The following NELL1 variants were observed in gnomAD, a reference collection of about 807,000 sequenced individuals.
NELL1 encodes the protein protein kinase C-binding protein NELL1.
Under a neutral mutation model 107.4 loss-of-function variants are expected in NELL1, and 76 were observed. The ratio of observed to expected loss-of-function variants is 0.71; its 90% CI spans 0.59 to 0.86. The LOEUF is 0.86. Among genes scored for constraint, NELL1 ranks in the 40% least tolerant of loss-of-function variants. The pLI, the probability that NELL1 is intolerant of heterozygous loss-of-function variation, is 0.00. For missense variants in NELL1, 1,024 were observed against 1,005.5 expected (o/e 1.02, Z -0.25); for synonymous variants, 353 against 341.2 (o/e 1.03, Z -0.38).
chr11:20,837,302 T>G (rs1172801803), intron 3 of NELL1, among the ~76,000 whole-genome samples: 1 of 152,154 alleles, frequency 6.6e-6, no homozygotes, highest in Non-Finnish European at 1.5e-5. Context: ...ATTATCTATG[T>G]GATAACAGAT....
intron 2 of NELL1, among the ~76,000 whole-genome samples, chr11:20,733,065 G>T (rs1459842057): frequency 6.6e-6 from 1 of 152,170 alleles, no homozygotes; most frequent in Non-Finnish European, 1.5e-5. Flanking sequence ...AATAGGGATA[G>T]TTGGACCTAA....
At chr11:21,436,998 T>C (rs1853139681) in intron 15 of NELL1, among the ~76,000 whole-genome samples, 1 of 152,222 alleles carries the variant, frequency 6.6e-6, no homozygotes, top group South Asian at 2.1e-4. Flanking sequence ...TTTAAATTTT[T>C]TAAAAATTTT....
chr11:21,033,044 C>T (rs1243591844), intron 12 of NELL1, among the ~76,000 whole-genome samples: 1 of 152,048 alleles, frequency 6.6e-6, no homozygotes, highest in East Asian at 1.9e-4. Context: ...CAGGCATAAT[C>T]CCATGGTCTT....
chr11:21,284,239 G>T (rs2133951171), intron 14 of NELL1: 1 of 456,794 alleles, frequency 2.2e-6, no homozygotes, highest in East Asian at 6.9e-5. Flanking sequence ...TAAAAAATTT[G>T]CCAAACGTGG....
chr11:21,128,647 T>G (rs1315636413), intron 13 of NELL1, among the ~76,000 whole-genome samples: 1 of 152,118 alleles, frequency 6.6e-6, no homozygotes, highest in Admixed American at 6.5e-5. Flanking sequence ...AATGCGGCAT[T>G]GATTAGAAGA....
At chr11:21,329,096 G>T (rs1850213547) in intron 14 of NELL1, among the ~76,000 whole-genome samples, 1 of 152,060 alleles carries the variant, frequency 6.6e-6, no homozygotes. Context: ...CTTGAGATTT[G>T]GGAGGGTCCA....
At chr11:21,338,597 A>T (rs1850489821) in intron 14 of NELL1, among the ~76,000 whole-genome samples, 1 of 152,156 alleles carries the variant, frequency 6.6e-6, no homozygotes, top group Admixed American at 6.5e-5. Flanking sequence ...CCCCAGACTT[A>T]TAGGAACAGA....
chr11:20,681,498 G>T (rs1200509131), intron 2 of NELL1, among the ~76,000 whole-genome samples: 2 of 151,920 alleles, frequency 1.3e-5, no homozygotes, highest in Non-Finnish European at 2.9e-5. Flanking sequence ...TTAACTCCCT[G>T]TTGAAGGCAA....
At chr11:21,015,506 T>A (rs1288523375) in intron 12 of NELL1, among the ~76,000 whole-genome samples, 2 of 152,138 alleles carry the variant, frequency 1.3e-5, no homozygotes, top group East Asian at 3.9e-4. Flanking sequence ...AACTTCTTTC[T>A]TCTTTTCACA....
chr11:21,038,295 T>C (rs1033234843), intron 12 of NELL1, among the ~76,000 whole-genome samples: 1 of 152,208 alleles, frequency 6.6e-6, no homozygotes, highest in Non-Finnish European at 1.5e-5. Context: ...ATAAATGCTT[T>C]TGTTGTTTTA....
At chr11:21,481,084 C>A (rs777834558) in intron 15 of NELL1, among the ~76,000 whole-genome samples, 4 of 152,086 alleles carry the variant, frequency 2.6e-5, no homozygotes, top group Admixed American at 2.6e-4. Flanking sequence ...AATGACAGGA[C>A]ATGTGAAAGT....
At chr11:21,334,433 C>T (rs1850340406) in intron 14 of NELL1, among the ~76,000 whole-genome samples, 1 of 151,912 alleles carries the variant, frequency 6.6e-6, no homozygotes, top group Non-Finnish European at 1.5e-5. Flanking sequence ...CCACAGGCTA[C>T]AGTTTGTCTG....
chr11:21,109,346 G>T (rs541251860), intron 12 of NELL1, among the ~76,000 whole-genome samples: 2 of 152,112 alleles, frequency 1.3e-5, no homozygotes, highest in South Asian at 4.1e-4. Flanking sequence ...AAAATAGTTC[G>T]TCCTTCCAGT....
chr11:21,034,388 C>G (rs1853036184), intron 12 of NELL1, among the ~76,000 whole-genome samples: 2 of 152,218 alleles, frequency 1.3e-5, no homozygotes, highest in Admixed American at 6.5e-5. Context: ...AGGACCTGAA[C>G]TGAGCACTGG....
chr11:21,094,726 G>A (rs913420508), intron 12 of NELL1, among the ~76,000 whole-genome samples: 4 of 152,240 alleles, frequency 2.6e-5, no homozygotes, highest in South Asian at 2.1e-4. Context: ...TTCTTTCATC[G>A]GTGGCTGAAG....
At chr11:21,229,546 G>A (rs1857988804) in intron 14 of NELL1, 92 bp downstream of exon 14, 1 of 1,540,940 alleles carries the variant, frequency 6.5e-7, no homozygotes, top group Admixed American at 1.8e-5. Flanking sequence ...AACTCTTGGT[G>A]GAACACAGCC....
rs74569316 is a variant in NELL1 at position 21,022,447 on chromosome 11, A to G, written c.1300+61887A>G. Among the ~76,000 whole-genome samples the G allele has an allele frequency of 6.8e-3, 1,032 of 152,256 alleles. 11 individuals carry two copies. Among genetic ancestry groups the G allele is most frequent in the African/African-American group, 0.023 (971 of 41,556 alleles). ...GGCTCAGAAGTTCAAGTAATTTACC[A>G]AAGGTCAGGTTACACAGCTACTAAA... On this transcript the variant is annotated intron_variant, in intron 12 of 19. Transcript: ENST00000357134.
In NELL1 at chr11:21,204,802, C is replaced by T. The variant is rs61217700; in HGVS notation, c.1427-24530C>T. Among the ~76,000 whole-genome samples, 1,159 of 152,050 alleles carry T rather than the reference C, an allele frequency of 7.6e-3. 24 individuals carry two copies. Among genetic ancestry groups the T allele is most frequent in the African/African-American group, 0.026 (1,089 of 41,484 alleles). On this transcript the variant is annotated intron_variant, in intron 13 of 19. Coordinates refer to ENST00000357134, the MANE Select transcript of NELL1 (RefSeq NM_006157.5). The stretch of plus-strand genomic sequence containing the variant: ...GAGACCTTTGGATGGGGTTTCTGAG[C>T]GACGTCATTTTTGTTGATTTGGTGC...
chr11:20,828,050 G>C (rs1474163409), intron 3 of NELL1, among the ~76,000 whole-genome samples: 1 of 151,202 alleles, frequency 6.6e-6, no homozygotes, highest in Admixed American at 6.6e-5. Context: ...GGAGCAGAAA[G>C]GGCATCTTTA....
Sources: allele counts gnomAD v4.1 joint callset (sites outside exome capture counted in the v4.1 genomes callset), GRCh38; gene constraint gnomAD v4.1.1; transcripts MANE v1.5; gene names NCBI Gene and HGNC (gene_info 2026-07-23, HGNC 2026-07-21).